ARNT2: variants seen among roughly 807,000 people sequenced by gnomAD.
ARNT2 encodes the protein ARNT protein 2.
Under a neutral mutation model 91.7 loss-of-function variants are expected in ARNT2, and 36 were observed. That is an observed-to-expected ratio of 0.39 (90% CI 0.30 to 0.52). The LOEUF (loss-of-function observed/expected upper bound fraction) is 0.52. Among genes scored for constraint, ARNT2 ranks in the 20% least tolerant of loss-of-function variants. The pLI is 0.72. For synonymous variants in ARNT2, 365 were observed against 347.1 expected (o/e 1.05, Z -0.57); for missense variants, 775 against 939.3 (o/e 0.83, Z 2.29).
intron 1 of ARNT2, among the ~76,000 whole-genome samples, chr15:80,441,579 G>C (rs1896190168): frequency 6.6e-6 from 1 of 152,102 alleles, no homozygotes; most frequent in Non-Finnish European, 1.5e-5. Flanking sequence ...GCATGTAATT[G>C]ATTTTTTCCC....
intron 15 of ARNT2, 113 bp from the exon 16 acceptor site, chr15:80,580,298 C>A: frequency 2.3e-6 from 3 of 1,333,326 alleles, no homozygotes; most frequent in Non-Finnish European, 3.2e-6. Context: ...TGACGTGCTG[C>A]ATGGAGAGAG....
At chr15:80,483,431 G>A (rs774919480) in intron 5 of ARNT2, among the ~76,000 whole-genome samples, 2 of 152,220 alleles carry the variant, frequency 1.3e-5, no homozygotes, top group South Asian at 2.1e-4. Context: ...GCTCTCAGGC[G>A]ACCAGGCCTT....
intron 8 of ARNT2, among the ~76,000 whole-genome samples, chr15:80,541,429 T>A (rs1897903638): frequency 6.6e-6 from 1 of 152,214 alleles, no homozygotes; most frequent in African/African-American, 2.4e-5. Context: ...TTTCTCTCAT[T>A]CTGTAGGCTG....
chr15:80,434,064 G>C (rs774142231), intron 1 of ARNT2: 4 of 152,244 alleles, frequency 2.6e-5, no homozygotes, highest in Non-Finnish European at 5.9e-5. Flanking sequence ...TTTTCACACA[G>C]AAAGGCAGAG....
intron 8 of ARNT2, among the ~76,000 whole-genome samples, chr15:80,524,906 A>C (rs556062335): frequency 1.3e-5 from 2 of 152,200 alleles, no homozygotes; most frequent in East Asian, 3.9e-4. Flanking sequence ...AGTGCTAAGA[A>C]GTATTAAAAA....
chr15:80,520,513 C>T (rs1897523241), intron 8 of ARNT2, among the ~76,000 whole-genome samples: 1 of 151,886 alleles, frequency 6.6e-6, no homozygotes, highest in Admixed American at 6.6e-5. Context: ...AAATACTGTG[C>T]ACCTAGACAT....
In ARNT2 at chr15:80,514,355, A is replaced by G. The variant is rs775963024; in HGVS notation, c.827A>G (p.Gln276Arg). The G allele has an allele frequency of 3.1e-6, 5 of 1,614,094 alleles. No homozygotes were observed. The highest frequency in any genetic ancestry group is 4.5e-5 in the East Asian group (2 of 44,898). ...GGCCCTGTGAAAGAAGGAGAAGCCC[A>G]ATATGCTGTGGTCCACTGTACAGGA... ...GLGPVKEGEAQYAVVHCTGYI... is the reference protein window; with the variant it reads ...GLGPVKEGEARYAVVHCTGYI... The change falls in exon 8 of 19, where the codon CAA (glutamine) becomes CGA (arginine). Residue 276 changes from glutamine (Q) to arginine (R), a missense_variant. Gln to Arg is a conservative substitution (Grantham distance 43). This residue lies in a region of ARNT2 where 285 missense variants were observed against 327.2 expected (regional missense o/e 0.87). Transcript: ENST00000303329.
chr15:80,466,952 T>G (rs562623574), intron 3 of ARNT2, among the ~76,000 whole-genome samples: 1 of 152,320 alleles, frequency 6.6e-6, no homozygotes, highest in South Asian at 2.1e-4. Context: ...TGTTTAAGAT[T>G]CCCCATATGA....
chr15:80,457,304 C>T (rs778170272), intron 2 of ARNT2, among the ~76,000 whole-genome samples: 5 of 152,236 alleles, frequency 3.3e-5, no homozygotes, highest in Non-Finnish European at 7.3e-5. Flanking sequence ...GAGCCCCAAA[C>T]AGCCATTTTC....
At chr15:80,570,115 A>G (rs1199940210) in intron 12 of ARNT2, among the ~76,000 whole-genome samples, 1 of 152,242 alleles carries the variant, frequency 6.6e-6, no homozygotes, top group African/African-American at 2.4e-5. Flanking sequence ...AGCCTAGGCC[A>G]GAGTAAAAAG....
chr15:80,425,717 GT>G (rs11462589), intron 1 of ARNT2, among the ~76,000 whole-genome samples: 24 of 147,184 alleles, frequency 1.6e-4, no homozygotes, highest in East Asian at 7.9e-4. Flanking sequence ...GTTTTGGAGT[GT>G]TTTTTTTTTG....
chr15:80,439,262 T>C (rs1484237371), intron 1 of ARNT2, among the ~76,000 whole-genome samples: 2 of 152,174 alleles, frequency 1.3e-5, no homozygotes, highest in East Asian at 3.8e-4. Context: ...GGCTTATTTG[T>C]AGTATTGATG....
At chr15:80,486,356 A>T (rs995592220) in intron 5 of ARNT2, among the ~76,000 whole-genome samples, 1 of 152,178 alleles carries the variant, frequency 6.6e-6, no homozygotes, top group African/African-American at 2.4e-5. Flanking sequence ...CCCAGTATAG[A>T]TTGTAACAGT....
chr15:80,579,225 A>G (rs1162018038), intron 15 of ARNT2, among the ~76,000 whole-genome samples: 2 of 152,234 alleles, frequency 1.3e-5, no homozygotes, highest in Non-Finnish European at 2.9e-5. Flanking sequence ...AGAGGGTCCT[A>G]CTAGACAATA....
At chr15:80,541,040 A>G (rs1404984273) in intron 8 of ARNT2, among the ~76,000 whole-genome samples, 3 of 152,182 alleles carry the variant, frequency 2.0e-5, no homozygotes, top group African/African-American at 7.2e-5. Context: ...CGGTAGTTCT[A>G]AGTTTTTTGA....
intron 11 of ARNT2, among the ~76,000 whole-genome samples, chr15:80,561,625 C>T (rs1898353868): frequency 6.6e-6 from 1 of 152,162 alleles, no homozygotes; most frequent in Non-Finnish European, 1.5e-5. Context: ...AGAAAGAACT[C>T]ATCAGTTTTA....
At chr15:80,516,849 A>ATATATATATATATATG in intron 8 of ARNT2, among the ~76,000 whole-genome samples, 1 of 141,096 alleles carries the variant, frequency 7.1e-6, no homozygotes, top group Non-Finnish European at 1.5e-5. Flanking sequence ...ATATATATAT[A>ATATATATATATATATG]TATATATCCA....
chr15:80,583,220 G>A (rs1383367980), intron 17 of ARNT2, among the ~76,000 whole-genome samples: 5 of 152,240 alleles, frequency 3.3e-5, no homozygotes, highest in African/African-American at 9.6e-5. Context: ...CAGGACAGTC[G>A]TTATGTCTGA....
intron 1 of ARNT2, among the ~76,000 whole-genome samples, chr15:80,416,353 CA>C: frequency 6.6e-6 from 1 of 152,162 alleles, no homozygotes; most frequent in African/African-American, 2.4e-5. Context: ...GTGGCATACA[CA>C]ATGTGCCTTC....
Sources: allele counts gnomAD v4.1 joint callset (sites outside exome capture counted in the v4.1 genomes callset), GRCh38; gene constraint gnomAD v4.1.1; regional missense constraint gnomAD v4.1.1; transcripts MANE v1.5; gene names NCBI Gene and HGNC (gene_info 2026-07-23, HGNC 2026-07-21).